The following MAPK13 variants were observed in gnomAD, a reference collection of about 807,000 sequenced individuals.
MAPK13 encodes MAP kinase 13.
MAPK13 carries 39 observed loss-of-function variants against 53.5 expected under a neutral mutation model. The observed-to-expected ratio is 0.73, with a 90% CI of 0.56 to 0.95. The LOEUF (loss-of-function observed/expected upper bound fraction) is 0.95. Ranked by LOEUF, MAPK13 falls within the 40% of genes least tolerant of loss-of-function variation. MAPK13 has a pLI of 0.00. For missense variants in MAPK13, 460 were observed against 471.8 expected (o/e 0.98, Z 0.23); for synonymous variants, 179 against 190.9 (o/e 0.94, Z 0.51).
Position 36,138,433 on chromosome 6 carries a change from A to G in MAPK13, c.751A>G (p.Asn251Asp), listed in dbSNP as rs770864557. The G allele has an allele frequency of 7.4e-6, 12 of 1,613,888 alleles. No homozygotes were observed. Among genetic ancestry groups the G allele is most frequent in the Non-Finnish European group, 5.9e-6 (7 of 1,180,004 alleles). Residue 251 changes from asparagine (N) to aspartate (D), a missense_variant, in exon 9 of 12, where the codon AAC becomes GAC. Transcript: ENST00000211287. ...VPGTEFVQKL[N>D]DKAAKSYIQS... Reference sequence around the variant, plus strand: ...TGGCACGGAGTTTGTGCAGAAGCTGAACGACAAAGCGGTGGGTGGTAAATG... The same window carrying G: ...TGGCACGGAGTTTGTGCAGAAGCTGGACGACAAAGCGGTGGGTGGTAAATG...
At position 36,132,665 on chromosome 6, in the gene MAPK13, C is replaced by A. The variant is rs776084723; in HGVS notation, c.294C>A (p.Arg98=). 7 of 1,614,112 alleles carry A rather than the reference C, an allele frequency of 4.3e-6. No individual in the cohort carries two copies. The African/African-American group carries it at 9.3e-5, about 22-fold the overall frequency. ...TCTTCACCCCAGCCTCCTCCCTGCGCAACTTCTATGACTTGTGAGTTGGGC... is the reference window on the plus strand; with the variant it reads ...TCTTCACCCCAGCCTCCTCCCTGCGAAACTTCTATGACTTGTGAGTTGGGC... ...LDVFTPASSL[R]NFYDFYLVMP... The change falls in exon 3 of 12, where the codon CGC becomes CGA. Residue 98 remains arginine (R), a synonymous_variant. Transcript: ENST00000211287.
In MAPK13 at chr6:36,138,731, G is replaced by C. The variant is rs760023880; in HGVS notation, c.792G>C (p.Gln264His). ...AATCCTACATCCAGTCCCTGCCACAGACCCCCAGGAAGGATTTCACTCAGC... is the reference window on the plus strand; with the variant it reads ...AATCCTACATCCAGTCCCTGCCACACACCCCCAGGAAGGATTTCACTCAGC... Reference protein sequence around the residue: ...AAKSYIQSLPQTPRKDFTQLF... With the variant: ...AAKSYIQSLPHTPRKDFTQLF... The change falls in exon 10 of 12, where the codon CAG becomes CAC. Residue 264 changes from glutamine (Q) to histidine (H), a missense_variant. Physicochemically the swap from Gln to His is conservative, Grantham distance 24. Transcript: ENST00000211287. The C allele has an allele frequency of 6.2e-7, 1 of 1,614,186 alleles. No individual in the cohort carries two copies. Among genetic ancestry groups the C allele is most frequent in the South Asian group, 1.1e-5 (1 of 91,082 alleles).
intron 2 of MAPK13, among the ~76,000 whole-genome samples, chr6:36,132,327 G>A (rs190097263): frequency 1.4e-3 from 209 of 152,282 alleles, no homozygotes; most frequent in African/African-American, 4.9e-3. Context: ...GAGTGGGTTT[G>A]TGTTGCTTGC....
rs1766567006 is a variant in MAPK13 at position 36,143,238 on chromosome 6, C to G, written c.*3865C>G. The G allele has an allele frequency of 6.6e-6, 1 of 152,156 alleles. No homozygotes were observed. Among genetic ancestry groups the G allele is most frequent in the African/African-American group, 2.4e-5 (1 of 41,382 alleles). 9.4% of individuals were successfully genotyped at this position (152,156 alleles called of 1,614,324 possible). On this transcript the variant is annotated 3_prime_UTR_variant, in exon 12 of 12. Transcript: ENST00000211287. ...ACAGCAGCGGTGTCCCAGGGCAGGG[C>G]TTGCCTGGCGTGGATTGGGGTGGTG...
At chr6:36,136,625 G>A (rs901997171) in intron 6 of MAPK13, 31 bp from the exon 7 acceptor site, 3 of 1,612,380 alleles carry the variant, frequency 1.9e-6, no homozygotes, top group African/African-American at 1.3e-5. Flanking sequence ...CCCTCAGCAA[G>A]TTCCTTTTCT....
chr6:36,132,373 A>G (rs1287526145), intron 2 of MAPK13, among the ~76,000 whole-genome samples: 1 of 152,108 alleles, frequency 6.6e-6, no homozygotes, highest in African/African-American at 2.4e-5. Flanking sequence ...AGCACACATC[A>G]TTCTCCCCAC....
rs1485188516 is a variant in MAPK13, at chr6:36,140,119, C to CT, written c.*748dup. The CT allele has an allele frequency of 6.6e-6, 1 of 152,250 alleles. No individual in the cohort carries two copies. The highest frequency in any genetic ancestry group is 1.5e-5 in the Non-Finnish European group (1 of 68,042). 9.4% of individuals were successfully genotyped at this position (152,250 alleles called of 1,614,324 possible). On this transcript the variant is annotated 3_prime_UTR_variant, in exon 12 of 12. Transcript: ENST00000211287. Reference sequence around the variant, plus strand: ...ACAGACAGCTGGGAGGGAGGGGCCCCTTCCTGGGCCCCGTGCTGAGGCCTT... The same window carrying CT: ...ACAGACAGCTGGGAGGGAGGGGCCCCTTTCCTGGGCCCCGTGCTGAGGCCTT...
Position 36,139,468 on chromosome 6 carries a change from A to G in MAPK13, c.*95A>G. 1.0e-6 allele frequency: 1 copy of G among 978,856 alleles called. No homozygotes were observed. Among genetic ancestry groups the G allele is most frequent in the Non-Finnish European group, 1.6e-6 (1 of 615,148 alleles). 60.6% of individuals were successfully genotyped at this position (978,856 alleles called of 1,614,324 possible). On this transcript the variant is annotated 3_prime_UTR_variant, in exon 12 of 12. Coordinates refer to ENST00000211287, the MANE Select transcript of MAPK13 (RefSeq NM_002754.5). ...GCCCTTCTTGGAATACAGCCTTTCA[A>G]GCAGAGGACAGAAGGGTCCTTCTCC...
chr6:36,131,528 G>T, intron 2 of MAPK13, 128 bp downstream of exon 2: 2 of 911,686 alleles, frequency 2.2e-6, no homozygotes, highest in Non-Finnish European at 3.3e-6. Context: ...GGTGCCTCTC[G>T]CCTCACTATT....
Position 36,130,734 on chromosome 6 carries a change from C to CGGGGGGT in MAPK13, c.119+36_119+37insGGGTGGG. On this transcript the variant is annotated intron_variant, in intron 1 of 11. Coordinates refer to ENST00000211287, the MANE Select transcript of MAPK13 (RefSeq NM_002754.5). The surrounding 1 kb of genome is among the most constrained non-coding windows in gnomAD (Gnocchi z 4.5). ...CCCTGGGCCGCTGGGGGGCGGGGGG[C>CGGGGGGT]GGGCGCCAGGCTCTCCCCTTTCCGC... The CGGGGGGT allele has an allele frequency of 3.1e-6, 2 of 646,494 alleles. No individual in the cohort carries two copies. The allele number at this position is 646,494 out of a possible 1,614,324, so 40.0% of individuals were successfully genotyped here.
intron 3 of MAPK13, among the ~76,000 whole-genome samples, chr6:36,133,015 G>A (rs977794161): frequency 1.9e-4 from 29 of 152,252 alleles, no homozygotes; most frequent in South Asian, 8.3e-4. Flanking sequence ...TGGGGACACA[G>A]ATGTGAGTCT....
chr6:36,139,532 G>T lies in MAPK13; in HGVS notation c.*159G>T, dbSNP rs770450981. ...GGGCCTAGTAGATGCAGAATTCAAA[G>T]ATGTCGGTTGGGAGAAACTAGCTCT... On this transcript the variant is annotated 3_prime_UTR_variant, in exon 12 of 12. Coordinates refer to ENST00000211287, the MANE Select transcript of MAPK13 (RefSeq NM_002754.5). 12 of 617,594 alleles carry T rather than the reference G, an allele frequency of 1.9e-5. No homozygotes were observed. The highest frequency in any genetic ancestry group is 3.2e-5 in the Non-Finnish European group (11 of 347,462). The allele number at this position is 617,594 out of a possible 1,614,324, so 38.3% of individuals were successfully genotyped here. A position where few individuals can be genotyped will look rare whatever the true frequency, so the allele number is the denominator to read the frequency against.
At position 36,139,072 on chromosome 6, in the gene MAPK13, C is replaced by G. The variant is rs769407087; in HGVS notation, c.1018+17C>G. 1.3e-6 allele frequency: 2 copies of G among 1,560,818 alleles called. No homozygotes were observed. The highest frequency in any genetic ancestry group is 2.7e-5 in the African/African-American group (2 of 72,760). Reference sequence around the variant, plus strand: ...AATGGAAGCGTAAGAGCTGGGGCCTCGGGCTTCCTCGCCTCCGCCTGCAGC... The same window carrying G: ...AATGGAAGCGTAAGAGCTGGGGCCTGGGGCTTCCTCGCCTCCGCCTGCAGC... On this transcript the variant is annotated intron_variant, in intron 11 of 11. Coordinates refer to ENST00000211287, the MANE Select transcript of MAPK13 (RefSeq NM_002754.5).
Position 36,138,932 on chromosome 6 carries a change from G to A in MAPK13, c.895G>A (p.Ala299Thr). Residue 299 changes from alanine to threonine, a missense_variant, in exon 11 of 12, where the codon GCC becomes ACC. By Grantham distance (58) the Ala-to-Thr change is moderately conservative. Transcript: ENST00000211287. ...LELDVDKRLT[A>T]AQALTHPFFE... ...GCTAGACGTGGACAAGCGCCTGACG[G>A]CCGCGCAGGCCCTCACCCATCCCTT... The A allele has an allele frequency of 6.2e-7, 1 of 1,612,836 alleles. No homozygotes were observed. The highest frequency in any genetic ancestry group is 8.5e-7 in the Non-Finnish European group (1 of 1,179,528).
chr6:36,136,555 C>A, intron 6 of MAPK13, 24 bp downstream of exon 6: 1 of 1,596,728 alleles, frequency 6.3e-7, no homozygotes, highest in South Asian at 1.1e-5. Context: ...AGGCTCAGCC[C>A]AGAGGCGGGA....
chr6:36,138,808 G>C (rs759600203), intron 10 of MAPK13, 28 bp downstream of exon 10: 1 of 1,613,878 alleles, frequency 6.2e-7, no homozygotes, highest in Non-Finnish European at 8.5e-7. Flanking sequence ...CTCCCCAGGG[G>C]CCTCTCAGCG....
In MAPK13 at chr6:36,136,701, G is replaced by A. The variant is rs1325286855; in HGVS notation, c.541G>A (p.Gly181Ser). The A allele has an allele frequency of 6.2e-7, 1 of 1,613,930 alleles. No homozygotes were observed. Among genetic ancestry groups the A allele is most frequent in the East Asian group, 2.2e-5 (1 of 44,896 alleles). ...LARHADAEMT[G>S]YVVTRWYRAP... ...GCGACATGCAGACGCCGAGATGACT[G>A]GCTACGTGGTGACCCGCTGGTACCG... Residue 181 changes from glycine (G) to serine (S), a missense_variant, in exon 7 of 12, where the codon GGC (glycine) becomes AGC (serine). Physicochemically the swap from Gly to Ser is moderately conservative, Grantham distance 56 (BLOSUM62 0). Transcript: ENST00000211287.
chr6:36,138,592 C>A, intron 9 of MAPK13, 110 bp from the exon 10 acceptor site: 1 of 1,289,810 alleles, frequency 7.8e-7, no homozygotes, highest in Non-Finnish European at 1.1e-6. Flanking sequence ...CTTAATCTCA[C>A]CGTGGACCCT....
chr6:36,130,721 G>GGGGGGC lies in MAPK13; in HGVS notation c.119+26_119+31dup. The GGGGGGC allele has an allele frequency of 2.0e-6, 2 of 1,010,394 alleles. No individual in the cohort carries two copies. The highest frequency in any genetic ancestry group is 1.3e-6 in the Non-Finnish European group (1 of 748,916). The allele number at this position is 1,010,394 out of a possible 1,614,324, so 62.6% of individuals were successfully genotyped here. On this transcript the variant is annotated intron_variant, in intron 1 of 11. Coordinates refer to ENST00000211287, the MANE Select transcript of MAPK13 (RefSeq NM_002754.5). This position sits in a 1 kb window ranked among gnomAD's most constrained non-coding sequence, Gnocchi z 4.5. ...CGTGTGGTGAGACCCCTGGGCCGCT[G>GGGGGGC]GGGGGCGGGGGGCGGGCGCCAGGCT...
Sources: gnomAD v4.1 joint callset for allele counts (sites outside exome capture counted in the v4.1 genomes callset) on GRCh38, gnomAD v4.1.1 for gene constraint, Gnocchi (gnomAD v3.1) non-coding constraint, MANE v1.5 for transcripts, NCBI Gene and HGNC (gene_info 2026-07-23, HGNC 2026-07-21) for gene names.